Variants in USH2A observed in about 807,000 individuals in gnomAD.
USH2A encodes the protein Usher syndrome 2A (autosomal recessive, mild).
In USH2A, 443 loss-of-function variants were observed where a neutral mutation model predicts 538.9. The ratio of observed to expected loss-of-function variants is 0.82; its 90% CI spans 0.76 to 0.89. The LOEUF (loss-of-function observed/expected upper bound fraction) is 0.89, where lower values mean the gene tolerates loss of function less well. USH2A is among the 40% of genes least tolerant of loss of function. The probability of loss-of-function intolerance (pLI) is 0.00; values close to 1 mark genes in which losing one functional copy is unlikely to be tolerated. For missense variants in USH2A, 6,633 were observed against 6,324.8 expected (o/e 1.05, Z -1.65); for synonymous variants, 2,413 against 2,273.5 (o/e 1.06, Z -1.75).
At chr1:215,807,244 A>G (rs944242170) in intron 49 of USH2A, among the ~76,000 whole-genome samples, 2 of 152,158 alleles carry the variant, frequency 1.3e-5, no homozygotes, top group African/African-American at 4.8e-5. Flanking sequence ...AGCTCTTGTT[A>G]ACTTCTTAGT....
Position 215,813,885 on chromosome 1 carries a change from A to G in USH2A, c.9590T>C (p.Leu3197Pro). ...GCGATGTCCAGGCTTGGGGTTATAG[A>G]GCACTCCGTTACAACAAACCTGAAA... ...SEAKVCCNGV[L>P]YNPKPGHRCC... The change falls in exon 49 of 72, where the codon CTC (leucine) becomes CCC (proline). Residue 3197 changes from leucine (L) to proline (P), a missense_variant. Coordinates refer to ENST00000307340, the MANE Select transcript of USH2A (RefSeq NM_206933.4). 1 of 1,613,810 alleles carries G rather than the reference A, an allele frequency of 6.2e-7. No homozygotes were observed. Among genetic ancestry groups the G allele is most frequent in the Non-Finnish European group, 8.5e-7 (1 of 1,179,780 alleles).
rs556950052 is a variant in USH2A at position 215,722,983 on chromosome 1, G to C, written c.12066+5047C>G. On this transcript the variant is annotated intron_variant, in intron 61 of 71. Transcript: ENST00000307340. ...CAATATCGCCAACCTTGCCAGGAGTGTTCCCTGTAAATACCACCATGGAAC... is the reference window on the plus strand; with the variant it reads ...CAATATCGCCAACCTTGCCAGGAGTCTTCCCTGTAAATACCACCATGGAAC... 1.1e-4 allele frequency among the ~76,000 whole-genome samples: 17 copies of C among 152,274 alleles called. No homozygotes were observed. The South Asian group carries it at 2.7e-3, about 24-fold the overall frequency.
At chr1:216,230,519 G>T (rs887007343) in intron 14 of USH2A, among the ~76,000 whole-genome samples, 9 of 152,072 alleles carry the variant, frequency 5.9e-5, no homozygotes, top group African/African-American at 2.2e-4. Flanking sequence ...AATTTTAAAT[G>T]ATTTTTGTAG....
rs1397184437 is a variant in USH2A, at chr1:215,623,125, G to GTAGA, written c.*2652_*2655dup. The GTAGA allele has an allele frequency of 6.6e-6, 1 of 152,074 alleles. No homozygotes were observed. The highest frequency in any genetic ancestry group is 1.9e-4 in the East Asian group (1 of 5,186). The allele number at this position is 152,074 out of a possible 1,614,324, so 9.4% of individuals were successfully genotyped here. On this transcript the variant is annotated 3_prime_UTR_variant, in exon 72 of 72. Coordinates refer to ENST00000307340, the MANE Select transcript of USH2A (RefSeq NM_206933.4). ...TGGGTTCCATTTAGTGGAAATTACAGTAGATTATAAACACATTTCTTAGAG... is the reference window on the plus strand; with the variant it reads ...TGGGTTCCATTTAGTGGAAATTACAGTAGATAGATTATAAACACATTTCTTAGAG...
At position 215,675,303 on chromosome 1, in the gene USH2A, T is replaced by C. The variant is rs148556640; in HGVS notation, c.12608A>G (p.Gln4203Arg). 3,279 of 1,614,126 alleles carry C rather than the reference T, an allele frequency of 2.0e-3. 55 individuals are homozygous for C. The East Asian group carries it at 0.028, about 14-fold the overall frequency. The change falls in exon 63 of 72, where the codon CAG becomes CGG. Residue 4203 changes from glutamine (Q) to arginine (R), a missense_variant. Physicochemically the swap from Gln to Arg is conservative, Grantham distance 43. Coordinates refer to ENST00000307340, the MANE Select transcript of USH2A (RefSeq NM_206933.4). ...AATTTTCTCGTCGGCCTGGATTGTC[T>C]GATTTCCCCAAGCTTTTCCCTCGAA... ...RCFEGKAWGN[Q>R]TIQADEKIVF...
chr1:216,046,674 G>A lies in USH2A; in HGVS notation c.6164-82C>T. On this transcript the variant is annotated intron_variant, in intron 31 of 71. Transcript: ENST00000307340. ...TTTCAGACCCAAACCAATAAATCAT[G>A]GAATAAACCTGAAATCCCATGCATG... The A allele has an allele frequency of 7.3e-6, 11 of 1,515,104 alleles. No individual in the cohort carries two copies. The South Asian group carries it at 1.3e-4, about 17-fold the overall frequency. The allele number at this position is 1,515,104 out of a possible 1,614,324, so 93.9% of individuals were successfully genotyped here.
chr1:215,761,873 C>A (rs1660991887), intron 56 of USH2A, among the ~76,000 whole-genome samples: 1 of 152,090 alleles, frequency 6.6e-6, no homozygotes, highest in African/African-American at 2.4e-5. Flanking sequence ...TTAAAAAAAA[C>A]TCATTTCAAT....
rs750245412 is a variant in USH2A, at chr1:216,199,711, G to A, written c.3727C>T (p.Pro1243Ser). The change falls in exon 17 of 72, where the codon CCC becomes TCC. Residue 1243 changes from proline (P) to serine (S), a missense_variant. Pro to Ser is a moderately conservative substitution (Grantham distance 74, BLOSUM62 -1). Coordinates refer to ENST00000307340, the MANE Select transcript of USH2A (RefSeq NM_206933.4). The stretch of plus-strand genomic sequence containing the variant: ...ATCTTAGGTGGACTTAGTCTTTGGG[G>A]AGGGGCCTGGGCTGTGGTCACTGTA... The part of the protein sequence containing the change: ...PITVTTAQAP[P>S]QRLSPPKMQK... 6.2e-7 allele frequency: 1 copy of A among 1,614,108 alleles called. No homozygotes were observed. Among genetic ancestry groups the A allele is most frequent in the South Asian group, 1.1e-5 (1 of 91,086 alleles).
At chr1:215,857,057 C>G (rs999092871) in intron 44 of USH2A, among the ~76,000 whole-genome samples, 4 of 152,034 alleles carry the variant, frequency 2.6e-5, no homozygotes, top group African/African-American at 9.7e-5. Context: ...GGACTTTGGG[C>G]ACTCGGGGGA....
At chr1:215,834,423 C>G (rs1663417063) in intron 47 of USH2A, among the ~76,000 whole-genome samples, 1 of 152,058 alleles carries the variant, frequency 6.6e-6, no homozygotes, top group South Asian at 2.1e-4. Context: ...ATTATGCTAA[C>G]TAAAAGAAGC....
intron 10 of USH2A, among the ~76,000 whole-genome samples, chr1:216,290,198 T>C (rs2036975024): frequency 6.6e-6 from 1 of 152,162 alleles, no homozygotes; most frequent in Admixed American, 6.5e-5. Flanking sequence ...AAACATGATG[T>C]ACTTTGCTCA....
chr1:216,137,104 T>A (rs1055070946), intron 21 of USH2A, among the ~76,000 whole-genome samples: 1 of 152,192 alleles, frequency 6.6e-6, no homozygotes, highest in African/African-American at 2.4e-5. Flanking sequence ...GCTGAAAGAC[T>A]GACTCAAAGG....
At chr1:216,270,736 G>GTC (rs1571643794) in intron 11 of USH2A, among the ~76,000 whole-genome samples, 1 of 148,878 alleles carries the variant, frequency 6.7e-6, no homozygotes, top group East Asian at 2.0e-4. Flanking sequence ...AAGAGACAGG[G>GTC]TCTCACTCTG....
chr1:216,320,650 TA>T (rs2037587834), intron 9 of USH2A, among the ~76,000 whole-genome samples: 1 of 152,204 alleles, frequency 6.6e-6, no homozygotes, highest in African/African-American at 2.4e-5. Flanking sequence ...TTTGAAATGT[TA>T]AAAACAATTG....
intron 18 of USH2A, among the ~76,000 whole-genome samples, chr1:216,197,328 G>A (rs2034873251): frequency 6.6e-6 from 1 of 152,098 alleles, no homozygotes; most frequent in South Asian, 2.1e-4. Flanking sequence ...CTAACCAAAG[G>A]TGTATTATCA....
intron 13 of USH2A, among the ~76,000 whole-genome samples, chr1:216,241,468 C>T (rs1056485206): frequency 6.6e-6 from 1 of 151,992 alleles, no homozygotes; most frequent in Non-Finnish European, 1.5e-5. Flanking sequence ...ATGCAACCCC[C>T]TCCTGGTCTC....
intron 11 of USH2A, among the ~76,000 whole-genome samples, chr1:216,285,601 G>T (rs1467874980): frequency 6.6e-6 from 1 of 152,198 alleles, no homozygotes; most frequent in African/African-American, 2.4e-5. Context: ...TGTGAGAAGG[G>T]GGCCACCATC....
In USH2A at chr1:216,084,733, G is replaced by T; in HGVS notation, c.5132C>A (p.Ala1711Asp). 2 of 1,613,322 alleles carry T rather than the reference G, an allele frequency of 1.2e-6. No individual in the cohort carries two copies. The highest frequency in any genetic ancestry group is 1.7e-6 in the Non-Finnish European group (2 of 1,179,620). Residue 1711 changes from alanine (A) to aspartate (D), a missense_variant, in exon 25 of 72, where the codon GCT (alanine) becomes GAT (aspartate). Ala to Asp is a moderately radical substitution (Grantham distance 126). Transcript: ENST00000307340. ...NVYNSWEGCP[A>D]SLNEGAQFLG... ...GAACTGAGCTCCCTCATTTAATGAAGCGGGACATCCCTCCCAGCTGTTATA... is the reference window on the plus strand; with the variant it reads ...GAACTGAGCTCCCTCATTTAATGAATCGGGACATCCCTCCCAGCTGTTATA...
chr1:215,783,054 C>T, intron 52 of USH2A, 119 bp from the exon 53 acceptor site: 2 of 860,768 alleles, frequency 2.3e-6, no homozygotes, highest in South Asian at 1.9e-5. Context: ...GCTCTAAACG[C>T]TTTGTATATA....
Sources: allele counts gnomAD v4.1 joint callset (sites outside exome capture counted in the v4.1 genomes callset), GRCh38; gene constraint gnomAD v4.1.1; transcripts MANE v1.5; gene names NCBI Gene and HGNC (gene_info 2026-07-23, HGNC 2026-07-21).